ARHGAP24: variants seen among roughly 807,000 people sequenced by gnomAD.
The protein encoded by ARHGAP24 is Rho GTPase activating protein 24.
ARHGAP24 carries 50 observed loss-of-function variants against 76.4 expected under a neutral mutation model. The ratio of observed to expected loss-of-function variants is 0.65; its 90% CI spans 0.52 to 0.83. The LOEUF (loss-of-function observed/expected upper bound fraction) is 0.83. Among genes scored for constraint, ARHGAP24 ranks in the 40% least tolerant of loss-of-function variants. The pLI, the probability that ARHGAP24 is intolerant of heterozygous loss-of-function variation, is 0.00. For missense variants in ARHGAP24, 930 were observed against 914.2 expected (o/e 1.02, Z -0.22); for synonymous variants, 345 against 323.3 (o/e 1.07, Z -0.72).
At chr4:85,624,671 C>G (rs942560024) in intron 2 of ARHGAP24, among the ~76,000 whole-genome samples, 2 of 152,156 alleles carry the variant, frequency 1.3e-5, no homozygotes, top group African/African-American at 4.8e-5. Context: ...GTACCAGCTC[C>G]TCTTTGTACC....
At chr4:85,897,698 T>A (rs1409047162) in intron 3 of ARHGAP24, among the ~76,000 whole-genome samples, 2 of 152,228 alleles carry the variant, frequency 1.3e-5, no homozygotes, top group Non-Finnish European at 2.9e-5. Flanking sequence ...TCTCCCTTTC[T>A]TGTTCTTTCT....
intron 2 of ARHGAP24, among the ~76,000 whole-genome samples, chr4:85,697,465 G>T (rs1383648820): frequency 6.6e-6 from 1 of 152,088 alleles, no homozygotes; most frequent in Non-Finnish European, 1.5e-5. Flanking sequence ...CCTGCACGTT[G>T]TGCACATGTA....
intron 2 of ARHGAP24, among the ~76,000 whole-genome samples, chr4:85,598,978 C>G (rs1004571251): frequency 1.3e-5 from 2 of 151,670 alleles, no homozygotes; most frequent in Non-Finnish European, 2.9e-5. Flanking sequence ...TTATATAAAA[C>G]TTAATAAGAT....
chr4:85,678,859 G>A (rs1723095556), intron 2 of ARHGAP24, among the ~76,000 whole-genome samples: 1 of 152,112 alleles, frequency 6.6e-6, no homozygotes, highest in Admixed American at 6.6e-5. Context: ...GAAGTACAAG[G>A]CTACAGCATC....
At chr4:85,614,164 A>G (rs1370509705) in intron 2 of ARHGAP24, among the ~76,000 whole-genome samples, 2 of 152,340 alleles carry the variant, frequency 1.3e-5, no homozygotes, top group Non-Finnish European at 2.9e-5. Context: ...ACAGTCTCCA[A>G]GAAGAAAACA....
chr4:85,819,067 G>T (rs1434561335), intron 3 of ARHGAP24, among the ~76,000 whole-genome samples: 1 of 152,180 alleles, frequency 6.6e-6, no homozygotes, highest in East Asian at 1.9e-4. Flanking sequence ...TTGAAAAGTT[G>T]TACAGCTGCA....
chr4:85,629,088 A>G (rs1721070679), intron 2 of ARHGAP24, among the ~76,000 whole-genome samples: 1 of 152,080 alleles, frequency 6.6e-6, no homozygotes, highest in South Asian at 2.1e-4. Context: ...TTGTAGTGGT[A>G]CGTTTTGATT....
chr4:85,521,607 C>T (rs1382442440), intron 1 of ARHGAP24, among the ~76,000 whole-genome samples: 1 of 152,108 alleles, frequency 6.6e-6, no homozygotes, highest in African/African-American at 2.4e-5. Context: ...AGCCTGCGTG[C>T]TGTGACATTT....
intron 2 of ARHGAP24, among the ~76,000 whole-genome samples, chr4:85,631,214 G>A (rs1320721465): frequency 6.6e-6 from 1 of 151,992 alleles, no homozygotes. Context: ...AGATAAAAAA[G>A]ATAAAAAGGT....
intron 3 of ARHGAP24, 65 bp downstream of exon 3, chr4:85,722,037 C>A: frequency 1.4e-6 from 2 of 1,419,388 alleles, no homozygotes; most frequent in South Asian, 2.3e-5. Context: ...GAAGATGGGT[C>A]AGACAGGTTT....
intron 2 of ARHGAP24, among the ~76,000 whole-genome samples, chr4:85,596,036 A>G (rs3971934): frequency 0.92 from 139,035 of 151,750 alleles, 63,734 homozygotes; most frequent in East Asian, 0.98. Context: ...GGAGCTGATG[A>G]CATGTTACTT....
chr4:85,873,743 C>T (rs1718385607), intron 3 of ARHGAP24, among the ~76,000 whole-genome samples: 1 of 152,116 alleles, frequency 6.6e-6, no homozygotes, highest in Non-Finnish European at 1.5e-5. Flanking sequence ...GTTATGTGAC[C>T]TGTTGAGAGT....
At chr4:85,647,980 A>C (rs778999892) in intron 2 of ARHGAP24, among the ~76,000 whole-genome samples, 1 of 152,180 alleles carries the variant, frequency 6.6e-6, no homozygotes, top group African/African-American at 2.4e-5. Context: ...CTGTACCAGC[A>C]ATCCTTAGAA....
chr4:85,553,013 G>C (rs1726204826), intron 1 of ARHGAP24, among the ~76,000 whole-genome samples: 1 of 152,094 alleles, frequency 6.6e-6, no homozygotes, highest in Non-Finnish European at 1.5e-5. Context: ...GGTGTGTCCA[G>C]AGTTGCTCAT....
chr4:85,778,517 G>T (rs1560627816), intron 3 of ARHGAP24, among the ~76,000 whole-genome samples: 2 of 151,974 alleles, frequency 1.3e-5, no homozygotes, highest in Admixed American at 6.6e-5. Flanking sequence ...TTTTTCTCTG[G>T]GTTTCACTTC....
chr4:85,647,277 ATAAT>A (rs1482151457), intron 2 of ARHGAP24, among the ~76,000 whole-genome samples: 3 of 152,134 alleles, frequency 2.0e-5, no homozygotes, highest in Non-Finnish European at 2.9e-5. Context: ...GCATAATTCT[ATAAT>A]TAATTATTGA....
intron 3 of ARHGAP24, among the ~76,000 whole-genome samples, chr4:85,888,478 G>A (rs11721465): frequency 0.81 from 121,743 of 150,796 alleles, 49,964 homozygotes; most frequent in Non-Finnish European, 0.9. Context: ...ATGCATTTTT[G>A]TAGCATTGAG....
chr4:85,961,239 A>C (rs1738225067), intron 5 of ARHGAP24, among the ~76,000 whole-genome samples: 1 of 152,138 alleles, frequency 6.6e-6, no homozygotes, highest in African/African-American at 2.4e-5. Flanking sequence ...TTAATAAACT[A>C]AGGTGGTATC....
Position 85,732,796 on chromosome 4 carries a change from C to T in ARHGAP24, c.268+10824C>T, listed in dbSNP as rs1370891053. On this transcript the variant is annotated intron_variant, in intron 3 of 9. Transcript: ENST00000395184. ...GCAACCTCCACCTCCCGGGTTCAAG[C>T]GATTCTCCTACCTCAGCCTCCTGAG... Among the ~76,000 whole-genome samples, 6 of 150,146 alleles carry T rather than the reference C, an allele frequency of 4.0e-5. No homozygotes were observed. The East Asian group carries it at 5.9e-4, about 15-fold the overall frequency.
Sources: allele counts gnomAD v4.1 joint callset (sites outside exome capture counted in the v4.1 genomes callset), GRCh38; gene constraint gnomAD v4.1.1; transcripts MANE v1.5; gene names NCBI Gene and HGNC (gene_info 2026-07-23, HGNC 2026-07-21).